Variants in ZNF347 observed in about 807,000 individuals in gnomAD.
The protein encoded by ZNF347 is zinc finger protein 347.
In ZNF347, 19 loss-of-function variants were observed where a neutral mutation model predicts 12.9. The ratio of observed to expected loss-of-function variants is 1.47; its 90% CI spans 1.03 to 2.16. The LOEUF is 2.16. ZNF347 is among the 30% of genes most tolerant of loss of function. The pLI is 0.00. For missense variants in ZNF347, 1,005 were observed against 990.6 expected (o/e 1.01, Z -0.19); for synonymous variants, 328 against 340.6 (o/e 0.96, Z 0.41).
In ZNF347 at chr19:53,141,526, G is replaced by A. The variant is rs77716783; in HGVS notation, c.1302C>T (p.Cys434=). The A allele has an allele frequency of 2.9e-4, 463 of 1,613,298 alleles. 5 individuals are homozygous for A. The East Asian group carries it at 5.3e-3, about 19-fold the overall frequency. ...TTGAACGAACACCAAAGGCTTTGCCGCACTCATTACACTTGTAAGGTTTCT... is the reference window on the plus strand; with the variant it reads ...TTGAACGAACACCAAAGGCTTTGCCACACTCATTACACTTGTAAGGTTTCT... ...TGEKPYKCNE[C]GKAFGVRSSL... is the part of the protein sequence containing the mutation. Residue 434 remains cysteine (C), a synonymous_variant, in exon 5 of 5, where the codon TGC becomes TGT. Coordinates refer to ENST00000334197, the MANE Select transcript of ZNF347 (RefSeq NM_032584.3).
chr19:53,156,318 G>A (rs968235367), intron 1 of ZNF347, among the ~76,000 whole-genome samples: 15 of 151,936 alleles, frequency 9.9e-5, no homozygotes, highest in Admixed American at 2.0e-4. Context: ...CAGGAGAATC[G>A]CTTGAACTCG....
At chr19:53,145,938 A>G (rs1160486461) in intron 4 of ZNF347, among the ~76,000 whole-genome samples, 1 of 152,140 alleles carries the variant, frequency 6.6e-6, no homozygotes, top group Non-Finnish European at 1.5e-5. Context: ...GACTAAAAAA[A>G]AATCTAAGAT....
At chr19:53,156,466 C>T (rs2090536673) in intron 1 of ZNF347, among the ~76,000 whole-genome samples, 1 of 151,918 alleles carries the variant, frequency 6.6e-6, no homozygotes, top group African/African-American at 2.4e-5. Flanking sequence ...TCTAAAACTG[C>T]CCCTCACTTC....
rs941626167 is a variant in ZNF347 at position 53,140,078 on chromosome 19, T to C, written c.*230A>G. On this transcript the variant is annotated 3_prime_UTR_variant, in exon 5 of 5. Transcript: ENST00000334197. Reference sequence around the variant, plus strand: ...ACCAGGCCTAGCTAATTGTGTACTTTTAGTAGAAATGGGGTTTCGCCATGT... The same window carrying C: ...ACCAGGCCTAGCTAATTGTGTACTTCTAGTAGAAATGGGGTTTCGCCATGT... 2 of 457,666 alleles carry C rather than the reference T, an allele frequency of 4.4e-6. No homozygotes were observed. The highest frequency in any genetic ancestry group is 7.7e-6 in the Non-Finnish European group (2 of 260,688). 28.4% of individuals were successfully genotyped at this position (457,666 alleles called of 1,614,324 possible). A position where few individuals can be genotyped will look rare whatever the true frequency, so the allele number is the denominator to read the frequency against.
At chr19:53,149,176 G>A in intron 3 of ZNF347, 65 bp downstream of exon 3, 2 of 1,593,574 alleles carry the variant, frequency 1.3e-6, no homozygotes, top group Non-Finnish European at 1.7e-6. Flanking sequence ...TCCCAGGAGA[G>A]CCACATGGAA....
intron 1 of ZNF347, among the ~76,000 whole-genome samples, chr19:53,154,673 G>A (rs1018993826): frequency 2.0e-5 from 3 of 151,994 alleles, no homozygotes; most frequent in African/African-American, 7.2e-5. Context: ...GAGAAAGTGA[G>A]CAACTGTGCC....
Position 53,153,802 on chromosome 19 carries a change from A to T in ZNF347, c.-46-9T>A. On this transcript the variant is annotated splice_polypyrimidine_tract_variant and intron_variant, in intron 1 of 4. Coordinates refer to ENST00000334197, the MANE Select transcript of ZNF347 (RefSeq NM_032584.3). ...TTCTTCAAGGGTTCTTCCTTAGGTA[A>T]CAGGAAAGTGCCTTTAGAAGTCAAT... 1.2e-6 allele frequency: 2 copies of T among 1,612,302 alleles called. No homozygotes were observed. The highest frequency in any genetic ancestry group is 1.7e-6 in the Non-Finnish European group (2 of 1,178,512).
Position 53,135,116 on chromosome 19 carries a change from C to T in ZNF347, c.*5192G>A, listed in dbSNP as rs1222431549. 2 of 151,854 alleles carry T rather than the reference C, an allele frequency of 1.3e-5. No homozygotes were observed. The highest frequency in any genetic ancestry group is 4.8e-5 in the African/African-American group (2 of 41,310). The allele number at this position is 151,854 out of a possible 1,614,324, so 9.4% of individuals were successfully genotyped here. A position where few individuals can be genotyped will look rare whatever the true frequency, so the allele number is the denominator to read the frequency against. ...TAAAAGCTTTGTCTTTGCAACCAGA[C>T]AACATGGATTCAAATCTCGATTCTG... On this transcript the variant is annotated 3_prime_UTR_variant, in exon 5 of 5. Transcript: ENST00000334197.
At chr19:53,152,193 C>T (rs544179756) in intron 2 of ZNF347, among the ~76,000 whole-genome samples, 3 of 151,346 alleles carry the variant, frequency 2.0e-5, no homozygotes, top group Admixed American at 2.0e-4. Context: ...AAAGGTAAAA[C>T]ATCCACTCTG....
intron 2 of ZNF347, among the ~76,000 whole-genome samples, chr19:53,152,176 A>G (rs898046953): frequency 2.0e-5 from 3 of 152,168 alleles, no homozygotes; most frequent in Non-Finnish European, 2.9e-5. Flanking sequence ...AGTAATAACA[A>G]CAGTGAAAAG....
intron 4 of ZNF347, 48 bp downstream of exon 4, chr19:53,148,633 A>C: frequency 6.4e-7 from 1 of 1,574,096 alleles, no homozygotes; most frequent in African/African-American, 1.4e-5. Flanking sequence ...AGAGTTTCCC[A>C]AACACTATTT....
Position 53,139,963 on chromosome 19 carries a change from C to T in ZNF347, c.*345G>A, listed in dbSNP as rs908278727. On this transcript the variant is annotated 3_prime_UTR_variant, in exon 5 of 5. Transcript: ENST00000334197. ...TTGCCCAGGATGGAGTGCATTGGCA[C>T]GATCTTGGCTCACTGCAACCTCCGC... 1.6e-5 allele frequency: 3 copies of T among 185,652 alleles called. No individual in the cohort carries two copies. The highest frequency in any genetic ancestry group is 2.4e-5 in the African/African-American group (1 of 42,312). The allele number at this position is 185,652 out of a possible 1,614,324, so 11.5% of individuals were successfully genotyped here. A position where few individuals can be genotyped will look rare whatever the true frequency, so the allele number is the denominator to read the frequency against.
chr19:53,141,187 G>A lies in ZNF347; in HGVS notation c.1641C>T (p.Gly547=). 6.2e-7 allele frequency: 1 copy of A among 1,608,694 alleles called. No homozygotes were observed. The highest frequency in any genetic ancestry group is 8.5e-7 in the Non-Finnish European group (1 of 1,175,896). Residue 547 remains glycine, a synonymous_variant, in exon 5 of 5, where the codon GGC becomes GGT. Coordinates refer to ENST00000334197, the MANE Select transcript of ZNF347 (RefSeq NM_032584.3). ...GVKPYMCNEC[G]KAFSVYSSLT... is the part of the protein sequence containing the mutation. ...GGCTTGAATACACACTGAAGGCTTT[G>A]CCGCACTCATTACACATATAAGGCT... is the stretch of plus-strand genomic sequence containing the variant.
chr19:53,135,317 TATATATATATATATATATATATAG>T lies in ZNF347; in HGVS notation c.*4967_*4990del, dbSNP rs1307230315. On this transcript the variant is annotated 3_prime_UTR_variant, in exon 5 of 5. Transcript: ENST00000334197. ...TTTTCTAAATATATATATATATATA[TATATATATATATATATATATATAG>T]AGAGAGAGAGAGAGAGAGAGAGAGA... The T allele has an allele frequency of 1.9e-3, 53 of 28,520 alleles. No individual in the cohort carries two copies. Among genetic ancestry groups the T allele is most frequent in the Admixed American group, 3.3e-3 (10 of 3,020 alleles). The allele number at this position is 28,520 out of a possible 1,614,324, so 1.8% of individuals were successfully genotyped here. A position where few individuals can be genotyped will look rare whatever the true frequency, so the allele number is the denominator to read the frequency against.
chr19:53,140,918 T>C lies in ZNF347; in HGVS notation c.1910A>G (p.His637Arg), dbSNP rs1599851190. 1.9e-6 allele frequency: 3 copies of C among 1,613,244 alleles called. No individual in the cohort carries two copies. Among genetic ancestry groups the C allele is most frequent in the Non-Finnish European group, 2.5e-6 (3 of 1,179,798 alleles). ...YNEYGKAFSE[H>R]SNLTTHQVIH... Reference sequence around the variant, plus strand: ...GACCTGATGGGTAGTTAGGTTTGAATGTTCACTAAAGGCTTTGCCATACTC... The same window carrying C: ...GACCTGATGGGTAGTTAGGTTTGAACGTTCACTAAAGGCTTTGCCATACTC... The change falls in exon 5 of 5, where the codon CAT becomes CGT. Residue 637 changes from histidine to arginine, a missense_variant. Transcript: ENST00000334197.
chr19:53,146,790 A>C (rs1157534039), intron 4 of ZNF347, among the ~76,000 whole-genome samples: 7 of 152,154 alleles, frequency 4.6e-5, no homozygotes, highest in Non-Finnish European at 1.5e-5. Context: ...ACATTTCTGG[A>C]CACATACAAC....
rs893476065 is a variant in ZNF347 at position 53,141,947 on chromosome 19, C to A, written c.881G>T (p.Cys294Phe). The A allele has an allele frequency of 4.3e-6, 7 of 1,613,738 alleles. No homozygotes were observed. The highest frequency in any genetic ancestry group is 3.3e-4 in the Middle Eastern group (2 of 6,082). ...TKEKPYKCYE[C>F]GKAFRTRSNL... Reference sequence around the variant, plus strand: ...TGAACGTGTTCTAAAGGCTTTGCCACACTCATAACATTTGTAAGGTTTCTC... The same window carrying A: ...TGAACGTGTTCTAAAGGCTTTGCCAAACTCATAACATTTGTAAGGTTTCTC... The change falls in exon 5 of 5, where the codon TGT (cysteine) becomes TTT (phenylalanine). Residue 294 changes from cysteine to phenylalanine, a missense_variant. By Grantham distance (205) the Cys-to-Phe change is radical. Transcript: ENST00000334197.
chr19:53,149,879 A>G (rs73935254), intron 2 of ZNF347, among the ~76,000 whole-genome samples: 2,277 of 152,122 alleles, frequency 0.015, 56 homozygotes, highest in African/African-American at 0.051. Flanking sequence ...CAGCCTCCCA[A>G]GTAGTTGGGA....
Position 53,135,093 on chromosome 19 carries a change from A to C in ZNF347, c.*5215T>G. The stretch of plus-strand genomic sequence containing the variant: ...CATTGTTACTGTAGCATCATCATTA[A>C]AAGCTTTGTCTTTGCAACCAGACAA... On this transcript the variant is annotated 3_prime_UTR_variant, in exon 5 of 5. Transcript: ENST00000334197. The C allele has an allele frequency of 6.6e-6, 1 of 152,024 alleles. No homozygotes were observed. The highest frequency in any genetic ancestry group is 1.9e-4 in the East Asian group (1 of 5,190). The allele number at this position is 152,024 out of a possible 1,614,324, so 9.4% of individuals were successfully genotyped here.
Sources: gnomAD v4.1 joint callset for allele counts (sites outside exome capture counted in the v4.1 genomes callset) on GRCh38, gnomAD v4.1.1 for gene constraint, MANE v1.5 for transcripts, NCBI Gene and HGNC (gene_info 2026-07-23, HGNC 2026-07-21) for gene names.